Variants in MAP2K7 observed in about 807,000 individuals in gnomAD.
MAP2K7 encodes the protein dual specificity mitogen-activated protein kinase kinase 7.
A neutral mutation model predicts 47.7 loss-of-function variants in MAP2K7; 12 were observed. The observed-to-expected ratio is 0.25, with a 90% CI of 0.16 to 0.41. The LOEUF (loss-of-function observed/expected upper bound fraction) is 0.41, where lower values mean the gene tolerates loss of function less well. Ranked by LOEUF, MAP2K7 falls within the 10% of genes least tolerant of loss-of-function variation. MAP2K7 has a pLI of 1.00. For missense variants in MAP2K7, 415 were observed against 600.3 expected (o/e 0.69, Z 3.23); for synonymous variants, 299 against 243.0 (o/e 1.23, Z -2.14).
At chr19:7,910,599 G>A (rs780689957) in intron 5 of MAP2K7, 27 bp downstream of exon 5, 48 of 1,612,998 alleles carry the variant, frequency 3.0e-5, no homozygotes, top group South Asian at 1.2e-4. Context: ...GCCCTGCAGC[G>A]TCTCCTCCTC....
At position 7,909,756 on chromosome 19, in the gene MAP2K7, C is replaced by T. The variant is rs767710652; in HGVS notation, c.126C>T (p.Thr42=). 2.9e-5 allele frequency: 44 copies of T among 1,540,784 alleles called. No homozygotes were observed. In the Middle Eastern group the frequency reaches 9.2e-4, roughly 32 times the overall value. The part of the protein sequence containing the change: ...LDISPQRPRP[T]LQLPLANDGG... ...TGCCACTGGTTCTCACCCCCCTAGC[C>T]CTGCAGCTCCCGCTGGCCAACGATG... Residue 42 remains threonine, a splice_region_variant and synonymous_variant, in exon 2 of 11, where the codon ACC becomes ACT. Coordinates refer to ENST00000397979, the MANE Select transcript of MAP2K7 (RefSeq NM_145185.4).
intron 3 of MAP2K7, 35 bp from the exon 4 acceptor site, chr19:7,910,225 C>T (rs776878039): frequency 5.6e-6 from 9 of 1,607,012 alleles, no homozygotes; most frequent in Non-Finnish European, 7.7e-6. Context: ...GTGGCAGAGG[C>T]CCCAGGGACC....
intron 1 of MAP2K7, among the ~76,000 whole-genome samples, 166 bp downstream of exon 1, chr19:7,904,234 G>T (rs1982287083): frequency 6.6e-6 from 1 of 151,982 alleles, no homozygotes; most frequent in African/African-American, 2.4e-5. Flanking sequence ...TGACCCGGGG[G>T]GCGTGGAGCC....
At chr19:7,905,744 C>T (rs900146049) in intron 1 of MAP2K7, 25 of 1,363,486 alleles carry the variant, frequency 1.8e-5, no homozygotes, top group African/African-American at 1.3e-4. Flanking sequence ...TTCTTTTGGA[C>T]GAATCAGTCG....
At position 7,911,243 on chromosome 19, in the gene MAP2K7, C is replaced by T. The variant is rs190780642; in HGVS notation, c.856-7C>T. The T allele has an allele frequency of 1.3e-4, 216 of 1,610,728 alleles. 1 individual carries two copies. In the East Asian group the frequency reaches 2.0e-3, roughly 15 times the overall value. On this transcript the variant is annotated splice_polypyrimidine_tract_variant and splice_region_variant and intron_variant, in intron 7 of 10. Coordinates refer to ENST00000397979, the MANE Select transcript of MAP2K7 (RefSeq NM_145185.4). ...TGGAGATACGTCTTCTCCTCCCCCCCCTGCAGCCCGAGCGCATTGACCCCC... is the reference window on the plus strand; with the variant it reads ...TGGAGATACGTCTTCTCCTCCCCCCTCTGCAGCCCGAGCGCATTGACCCCC...
Position 7,912,492 on chromosome 19 carries a change from A to T in MAP2K7, c.*61A>T, listed in dbSNP as rs979372552. On this transcript the variant is annotated 3_prime_UTR_variant, in exon 11 of 11. Transcript: ENST00000397979. Reference sequence around the variant, plus strand: ...GGCATGGCCACAGGCCCCCCTCCCCACTTGGCCACCCAGCTGCCTGCCAGG... The same window carrying T: ...GGCATGGCCACAGGCCCCCCTCCCCTCTTGGCCACCCAGCTGCCTGCCAGG... 1 of 1,534,794 alleles carries T rather than the reference A, an allele frequency of 6.5e-7. No individual in the cohort carries two copies. The highest frequency in any genetic ancestry group is 1.4e-5 in the African/African-American group (1 of 72,384).
intron 1 of MAP2K7, chr19:7,905,694 C>G: frequency 1.1e-6 from 1 of 902,806 alleles, no homozygotes; most frequent in Non-Finnish European, 1.8e-6. Flanking sequence ...CTCTGCAGTT[C>G]GGTGCCTCCC....
chr19:7,905,013 C>G (rs1355863247), intron 1 of MAP2K7, among the ~76,000 whole-genome samples: 2 of 151,530 alleles, frequency 1.3e-5, no homozygotes, highest in African/African-American at 2.4e-5. Context: ...ATCAGTACCT[C>G]TCGCTTCACA....
chr19:7,910,963 C>G lies in MAP2K7; in HGVS notation c.676-17C>G, dbSNP rs566623799. ...CTGTGCCCCCTGCCACATGCACCCCCCTCTGCGTGCCTGCAGATTGTGAAG... is the reference window on the plus strand; with the variant it reads ...CTGTGCCCCCTGCCACATGCACCCCGCTCTGCGTGCCTGCAGATTGTGAAG... On this transcript the variant is annotated splice_polypyrimidine_tract_variant and intron_variant, in intron 6 of 10. Coordinates refer to ENST00000397979, the MANE Select transcript of MAP2K7 (RefSeq NM_145185.4). The G allele has an allele frequency of 2.9e-5, 46 of 1,601,934 alleles. No homozygotes were observed. The South Asian group carries it at 4.4e-4, about 15-fold the overall frequency.
chr19:7,913,477 T>TG lies in MAP2K7; in HGVS notation c.*1051dup, dbSNP rs1033167562. Reference sequence around the variant, plus strand: ...GGATGGAGGGCAGAGGGAGTGGATGTGGGGGTTTGAGGACGTGTGACAAGC... The same window carrying TG: ...GGATGGAGGGCAGAGGGAGTGGATGTGGGGGGTTTGAGGACGTGTGACAAGC... On this transcript the variant is annotated 3_prime_UTR_variant, in exon 11 of 11. Coordinates refer to ENST00000397979, the MANE Select transcript of MAP2K7 (RefSeq NM_145185.4). 8.7e-6 allele frequency: 1 copy of TG among 115,458 alleles called. No homozygotes were observed. Among genetic ancestry groups the TG allele is most frequent in the Admixed American group, 9.8e-5 (1 of 10,172 alleles). The allele number at this position is 115,458 out of a possible 1,614,324, so 7.2% of individuals were successfully genotyped here.
At chr19:7,905,830 T>C in intron 1 of MAP2K7, 1 of 1,585,442 alleles carries the variant, frequency 6.3e-7, no homozygotes, top group South Asian at 1.1e-5. Context: ...CTCTAAGCCC[T>C]GCTCCTGCCC....
At chr19:7,906,895 C>T (rs1235862619) in intron 1 of MAP2K7, 2 of 152,212 alleles carry the variant, frequency 1.3e-5, no homozygotes, top group African/African-American at 2.4e-5. Flanking sequence ...GTGGCACATA[C>T]CTGTAATCCC....
chr19:7,905,753 C>A (rs773010793), intron 1 of MAP2K7: 14 of 1,417,422 alleles, frequency 9.9e-6, no homozygotes, highest in South Asian at 4.6e-5. Context: ...ACGAATCAGT[C>A]GTTTCTGTTG....
At chr19:7,910,022 GTCAGGAC>G in intron 2 of MAP2K7, 34 bp from the exon 3 acceptor site, 2 of 1,562,300 alleles carry the variant, frequency 1.3e-6, no homozygotes, top group Non-Finnish European at 1.7e-6. Context: ...CCAACCTAAG[GTCAGGAC>G]CCACCTCCAC....
Position 7,909,742 on chromosome 19 carries a change from C to G in MAP2K7, c.125-13C>G, listed in dbSNP as rs567101727. ...CTGACCCCCCTCCCTGCCACTGGTT[C>G]TCACCCCCCTAGCCCTGCAGCTCCC... On this transcript the variant is annotated splice_polypyrimidine_tract_variant and intron_variant, in intron 1 of 10. Transcript: ENST00000397979. 6.6e-4 allele frequency: 1,014 copies of G among 1,527,208 alleles called. 11 individuals carry two copies. The South Asian group carries it at 0.012, about 17-fold the overall frequency. 94.6% of individuals were successfully genotyped at this position (1,527,208 alleles called of 1,614,324 possible).
At chr19:7,905,116 A>G (rs1982361817) in intron 1 of MAP2K7, among the ~76,000 whole-genome samples, 1 of 151,702 alleles carries the variant, frequency 6.6e-6, no homozygotes, top group Non-Finnish European at 1.5e-5. Flanking sequence ...AGGAAATTAG[A>G]TTTTCAAACC....
rs778286345 is a variant in MAP2K7, at chr19:7,912,441, G to A, written c.*10G>A. The A allele has an allele frequency of 1.7e-5, 27 of 1,606,852 alleles. No individual in the cohort carries two copies. Among genetic ancestry groups the A allele is most frequent in the South Asian group, 9.9e-5 (9 of 90,714 alleles). On this transcript the variant is annotated 3_prime_UTR_variant, in exon 11 of 11. Transcript: ENST00000397979. Reference sequence around the variant, plus strand: ...GCCCTTCTTCAGGTAGCTGCTTGGCGGCGGCCAGCCCCACAGGGGGCCAGG... The same window carrying A: ...GCCCTTCTTCAGGTAGCTGCTTGGCAGCGGCCAGCCCCACAGGGGGCCAGG...
chr19:7,907,411 C>A (rs927931917), intron 1 of MAP2K7, among the ~76,000 whole-genome samples: 1 of 152,184 alleles, frequency 6.6e-6, no homozygotes, highest in African/African-American at 2.4e-5. Context: ...TGCACTTGCA[C>A]GGCATGTGCG....
chr19:7,904,343 C>G (rs970553174), intron 1 of MAP2K7: 2 of 224,424 alleles, frequency 8.9e-6, no homozygotes, highest in Non-Finnish European at 1.8e-5. Context: ...CGCCGTGATC[C>G]TCTGGGTCGG....
Sources: gnomAD v4.1 joint callset for allele counts (sites outside exome capture counted in the v4.1 genomes callset) on GRCh38, gnomAD v4.1.1 for gene constraint, MANE v1.5 for transcripts, NCBI Gene and HGNC (gene_info 2026-07-23, HGNC 2026-07-21) for gene names.